Variants in PCSK2 observed in about 807,000 individuals in gnomAD.
PCSK2 encodes the protein proprotein convertase subtilisin/kexin type 2, also known as neuroendocrine convertase 2.
In PCSK2, 14 loss-of-function variants were observed where a neutral mutation model predicts 69.7. That is an observed-to-expected ratio of 0.20 (90% CI 0.13 to 0.31). PCSK2 has a LOEUF of 0.31. PCSK2 is among the 10% of genes least tolerant of loss of function. The pLI is 1.00. For synonymous variants in PCSK2, 307 were observed against 320.7 expected, an observed-to-expected ratio of 0.96 and a Z score of 0.46; for missense variants, 544 against 842.5, an observed-to-expected ratio of 0.65 and a Z score of 4.39.
At chr20:17,439,315 A>C (rs2032550725) in intron 8 of PCSK2, among the ~76,000 whole-genome samples, 1 of 151,640 alleles carries the variant, frequency 6.6e-6, no homozygotes, top group African/African-American at 2.4e-5. Flanking sequence ...TTTTGTAGAC[A>C]TGTTTCACCA....
At chr20:17,478,091 A>G (rs973187478) in intron 11 of PCSK2, among the ~76,000 whole-genome samples, 4 of 152,200 alleles carry the variant, frequency 2.6e-5, no homozygotes, top group African/African-American at 9.6e-5. Context: ...CATATTTTAC[A>G]TGCACTTTTA....
At chr20:17,357,599 A>G (rs1355497649) in intron 2 of PCSK2, among the ~76,000 whole-genome samples, 2 of 152,216 alleles carry the variant, frequency 1.3e-5, no homozygotes, top group African/African-American at 2.4e-5. Flanking sequence ...ATCTTCTTTA[A>G]GAATACTTTA....
intron 5 of PCSK2, among the ~76,000 whole-genome samples, chr20:17,379,350 A>T (rs2031023877): frequency 6.6e-6 from 1 of 152,240 alleles, no homozygotes; most frequent in African/African-American, 2.4e-5. Context: ...TGTGGATCTG[A>T]TGGAGACCAA....
chr20:17,227,338 G>A lies in PCSK2; in HGVS notation c.33G>A (p.Ala11=). 6.2e-7 allele frequency: 1 copy of A among 1,613,946 alleles called. No individual in the cohort carries two copies. Among genetic ancestry groups the A allele is most frequent in the South Asian group, 1.1e-5 (1 of 91,074 alleles). The change falls in exon 1 of 12, where the codon GCG becomes GCA. Residue 11 remains alanine, a synonymous_variant. Transcript: ENST00000262545. MKGGCVSQWK[A]AAGFLFCVMV... is the part of the protein sequence containing the mutation. ...GTGGTTGTGTCTCCCAGTGGAAGGC[G>A]GCCGCCGGGTTCCTCTTCTGTGTCA...
At chr20:17,466,318 G>A (rs962851678) in intron 11 of PCSK2, among the ~76,000 whole-genome samples, 4 of 152,146 alleles carry the variant, frequency 2.6e-5, no homozygotes, top group East Asian at 1.9e-4. Flanking sequence ...AGATTATTTC[G>A]CTTGGAGTTA....
At chr20:17,240,753 G>A (rs1342745778) in intron 1 of PCSK2, among the ~76,000 whole-genome samples, 4 of 152,102 alleles carry the variant, frequency 2.6e-5, no homozygotes, top group Admixed American at 2.0e-4. Context: ...TCTTTAGGGG[G>A]TACATCATAG....
chr20:17,384,984 G>T (rs540918059), intron 5 of PCSK2, among the ~76,000 whole-genome samples: 3 of 152,276 alleles, frequency 2.0e-5, no homozygotes, highest in South Asian at 2.1e-4. Flanking sequence ...ACCTTTCTTT[G>T]TCTCTTCTGT....
intron 2 of PCSK2, among the ~76,000 whole-genome samples, chr20:17,329,060 T>C (rs1171174713): frequency 6.6e-6 from 1 of 152,226 alleles, no homozygotes. Context: ...ACACTAGCTT[T>C]TTAATTAAAA....
At chr20:17,413,373 G>C (rs2031922623) in intron 6 of PCSK2, among the ~76,000 whole-genome samples, 1 of 151,976 alleles carries the variant, frequency 6.6e-6, no homozygotes, top group African/African-American at 2.4e-5. Flanking sequence ...AAAACACAAG[G>C]GTTGCAATTC....
intron 7 of PCSK2, among the ~76,000 whole-genome samples, chr20:17,430,423 G>T (rs916982476): frequency 2.0e-5 from 3 of 151,560 alleles, no homozygotes; most frequent in Non-Finnish European, 2.9e-5. Flanking sequence ...TCTTTTCCTG[G>T]CAATTTAATG....
At chr20:17,307,949 C>T (rs1568596080) in intron 2 of PCSK2, among the ~76,000 whole-genome samples, 2 of 152,070 alleles carry the variant, frequency 1.3e-5, no homozygotes, top group Admixed American at 6.6e-5. Flanking sequence ...TGGAAGCTTC[C>T]AATCATGGCA....
chr20:17,455,840 T>A (rs1165009306), intron 9 of PCSK2, among the ~76,000 whole-genome samples: 4 of 152,240 alleles, frequency 2.6e-5, no homozygotes, highest in Non-Finnish European at 5.9e-5. Flanking sequence ...TATCCCCTTT[T>A]ACGTGGGCTA....
At chr20:17,378,847 A>G (rs987224422) in intron 5 of PCSK2, among the ~76,000 whole-genome samples, 2 of 152,250 alleles carry the variant, frequency 1.3e-5, no homozygotes, top group Non-Finnish European at 2.9e-5. Flanking sequence ...TTATGCAAAT[A>G]TAAGAAAATT....
chr20:17,459,688 G>A (rs774710772), intron 10 of PCSK2, among the ~76,000 whole-genome samples: 1 of 152,114 alleles, frequency 6.6e-6, no homozygotes, highest in African/African-American at 2.4e-5. Context: ...GAGCACACTG[G>A]GTAAAGTTTT....
intron 7 of PCSK2, among the ~76,000 whole-genome samples, chr20:17,434,859 CAAG>C (rs543338132): frequency 2.1e-4 from 32 of 152,288 alleles, no homozygotes; most frequent in African/African-American, 7.5e-4. Context: ...TGACTTTGCA[CAAG>C]AAGAAGCTGC....
chr20:17,377,403 C>T (rs1342517643), intron 5 of PCSK2, among the ~76,000 whole-genome samples: 1 of 152,202 alleles, frequency 6.6e-6, no homozygotes, highest in Non-Finnish European at 1.5e-5. Context: ...GCTGCCAGCA[C>T]AGGAAGTACC....
chr20:17,449,008 T>C (rs2328148), intron 8 of PCSK2, among the ~76,000 whole-genome samples: 100,534 of 151,320 alleles, frequency 0.66, 33,707 homozygotes, highest in African/African-American at 0.75. Context: ...GCTAAGACTA[T>C]AGGTGTGCCT....
At chr20:17,434,679 G>A (rs2032448465) in intron 7 of PCSK2, among the ~76,000 whole-genome samples, 1 of 152,174 alleles carries the variant, frequency 6.6e-6, no homozygotes, top group African/African-American at 2.4e-5. Context: ...TCCAGGGCTG[G>A]CATTCGTTGG....
chr20:17,264,080 G>A (rs1452141250), intron 2 of PCSK2, among the ~76,000 whole-genome samples: 3 of 152,152 alleles, frequency 2.0e-5, no homozygotes, highest in African/African-American at 7.2e-5. Flanking sequence ...AGCTTCCGAA[G>A]AGTAGATTTA....
Sources: allele counts gnomAD v4.1 joint callset (sites outside exome capture counted in the v4.1 genomes callset), GRCh38; gene constraint gnomAD v4.1.1; transcripts MANE v1.5; gene names NCBI Gene and HGNC (gene_info 2026-07-23, HGNC 2026-07-21).